The following MFGE8 variants were observed in gnomAD, a reference collection of about 807,000 sequenced individuals.
The protein encoded by MFGE8 is milk fat globule EGF and factor V/VIII domain containing.
Under a neutral mutation model 42.6 loss-of-function variants are expected in MFGE8, and 34 were observed. The ratio of observed to expected loss-of-function variants is 0.80; its 90% CI spans 0.61 to 1.06. MFGE8 has a LOEUF of 1.06. MFGE8 is among the 50% of genes least tolerant of loss of function. MFGE8 has a pLI of 0.00. For missense variants in MFGE8, 510 were observed against 516.9 expected (o/e 0.99, Z 0.13); for synonymous variants, 230 against 214.8 (o/e 1.07, Z -0.62).
At chr15:88,912,250 C>G in intron 1 of MFGE8, 1 of 1,289,674 alleles carries the variant, frequency 7.8e-7, no homozygotes, top group Non-Finnish European at 1.0e-6. Flanking sequence ...GGCCAGAGTT[C>G]AGGTTGGGGG....
rs145851768 is a variant in MFGE8 at position 88,909,842 on chromosome 15, G to A, written c.155C>T (p.Ser52Leu). ...GCCCTTAAGGCACGTGCAGGTGTAC[G>A]AGGGGAAGACATCTCCTCGCACTTC... The part of the protein sequence containing the change: ...SQEVRGDVFP[S>L]YTCTCLKGYA... Residue 52 changes from serine to leucine, a missense_variant, in exon 2 of 8, where the codon TCG becomes TTG. Coordinates refer to ENST00000268150, the MANE Select transcript of MFGE8 (RefSeq NM_005928.4). 57 of 1,614,228 alleles carry A rather than the reference G, an allele frequency of 3.5e-5. No homozygotes were observed. The highest frequency in any genetic ancestry group is 6.7e-5 in the African/African-American group (5 of 75,064).
Position 88,905,311 on chromosome 15 carries a change from C to CTCAT in MFGE8, c.685+442_685+445dup. 2.7e-6 allele frequency: 1 copy of CTCAT among 367,656 alleles called. No individual in the cohort carries two copies. The highest frequency in any genetic ancestry group is 5.3e-6 in the Non-Finnish European group (1 of 187,384). 22.8% of individuals were successfully genotyped at this position (367,656 alleles called of 1,614,324 possible). A position where few individuals can be genotyped will look rare whatever the true frequency, so the allele number is the denominator to read the frequency against. ...AATCATTCATCGGGGCCCCACGCCC[C>CTCAT]TCATTCATTCATTCGCTCATTCATC... On this transcript the variant is annotated intron_variant, in intron 5 of 7. Coordinates refer to ENST00000268150, the MANE Select transcript of MFGE8 (RefSeq NM_005928.4). The surrounding 1 kb of genome is among the most constrained non-coding windows in gnomAD (Gnocchi z 6.6).
At chr15:88,900,807 C>CT (rs1898323325) in intron 6 of MFGE8, 1 of 941,302 alleles carries the variant, frequency 1.1e-6, no homozygotes, top group Non-Finnish European at 1.3e-6. Context: ...TTCTTAGACA[C>CT]TGAGTCAGAG....
rs927952470 is a variant in MFGE8, at chr15:88,905,657, G to A, written c.685+100C>T. 4.5e-6 allele frequency: 7 copies of A among 1,540,818 alleles called. No homozygotes were observed. The African/African-American group carries it at 8.2e-5, about 18-fold the overall frequency. ...AGCCTGGTCCCCGTGCCTTGTTGCT[G>A]CCCTACCTAGCTCAGTTTGGCTGAG... On this transcript the variant is annotated intron_variant, in intron 5 of 7. Transcript: ENST00000268150. This position sits in a 1 kb window ranked among gnomAD's most constrained non-coding sequence, Gnocchi z 6.6.
At chr15:88,901,517 A>AAACCCAAAAAGCTGGAC in intron 6 of MFGE8, 34 bp downstream of exon 6, 1 of 1,072,616 alleles carries the variant, frequency 9.3e-7, no homozygotes, top group Non-Finnish European at 1.4e-6. Flanking sequence ...ATCCCACCCA[A>AAACCCAAAAAGCTGGAC]CCCCAGCCCC....
Position 88,901,252 on chromosome 15 carries a change from C to T in MFGE8, c.870+299G>A, listed in dbSNP as rs552384809. Among the ~76,000 whole-genome samples the T allele has an allele frequency of 5.2e-5, 7 of 135,512 alleles. 1 individual carries two copies. The highest frequency in any genetic ancestry group is 2.5e-4 in the South Asian group (1 of 4,066). The allele number at this position is 135,512 out of a possible 152,430, so 88.9% of individuals were successfully genotyped here. On this transcript the variant is annotated intron_variant, in intron 6 of 7. Coordinates refer to ENST00000268150, the MANE Select transcript of MFGE8 (RefSeq NM_005928.4). ...ACATTCACACACACATTCACACGCA[C>T]GCATTCACACGCACGCATTCACACA... is the stretch of plus-strand genomic sequence containing the variant.
rs1256455865 is a variant in MFGE8, at chr15:88,901,330, CACACAT to C, written c.870+215_870+220del. Among the ~76,000 whole-genome samples, 8 of 152,038 alleles carry C rather than the reference CACACAT, an allele frequency of 5.3e-5. No homozygotes were observed. The East Asian group carries it at 1.4e-3, about 26-fold the overall frequency. The stretch of plus-strand genomic sequence containing the variant: ...TCACACACACACATTCACACACACA[CACACAT>C]ACACACACACACCCTTTCTCCACCT... On this transcript the variant is annotated intron_variant, in intron 6 of 7. Transcript: ENST00000268150.
At position 88,901,081 on chromosome 15, in the gene MFGE8, A is replaced by T. The variant is rs12593826; in HGVS notation, c.870+470T>A. Among the ~76,000 whole-genome samples, 262 of 89,026 alleles carry T rather than the reference A, an allele frequency of 2.9e-3. 45 individuals carry two copies. In the East Asian group the frequency reaches 0.057, roughly 19 times the overall value. The allele number at this position is 89,026 out of a possible 152,430, so 58.4% of individuals were successfully genotyped here. On this transcript the variant is annotated intron_variant, in intron 6 of 7. Coordinates refer to ENST00000268150, the MANE Select transcript of MFGE8 (RefSeq NM_005928.4). ...CACATTCACATACACATTCACATACACATTCACACACATTCACAAATACAC... is the reference window on the plus strand; with the variant it reads ...CACATTCACATACACATTCACATACTCATTCACACACATTCACAAATACAC...
intron 1 of MFGE8, chr15:88,911,976 G>A (rs956196887): frequency 1.8e-5 from 9 of 501,054 alleles, no homozygotes; most frequent in South Asian, 1.6e-4. Flanking sequence ...TGGCAGGCGG[G>A]GGCGAGCATT....
In MFGE8 at chr15:88,902,756, G is replaced by A. The variant is rs1377093052; in HGVS notation, c.686-1021C>T. 3 of 152,274 alleles carry A rather than the reference G, an allele frequency of 2.0e-5. No individual in the cohort carries two copies. Among genetic ancestry groups the A allele is most frequent in the Admixed American group, 1.3e-4 (2 of 15,272 alleles). The allele number at this position is 152,274 out of a possible 1,614,324, so 9.4% of individuals were successfully genotyped here. A position where few individuals can be genotyped will look rare whatever the true frequency, so the allele number is the denominator to read the frequency against. Reference sequence around the variant, plus strand: ...TACAACTCCCAAGAGAATGATGGGGGTGTCTCCCACCTGGAAGAATCCTCA... The same window carrying A: ...TACAACTCCCAAGAGAATGATGGGGATGTCTCCCACCTGGAAGAATCCTCA... On this transcript the variant is annotated intron_variant, in intron 5 of 7. Transcript: ENST00000268150. The surrounding 1 kb of genome is among the most constrained non-coding windows in gnomAD (Gnocchi z 4.3).
chr15:88,900,890 GCTGT>G (rs72350809), intron 6 of MFGE8: 92,475 of 252,266 alleles, frequency 0.37, 19,227 homozygotes, highest in Admixed American at 0.41. Flanking sequence ...CCTCCGCCCT[GCTGT>G]CTGTCCATAG....
At position 88,909,850 on chromosome 15, in the gene MFGE8, G is replaced by C. The variant is rs1898874175; in HGVS notation, c.147C>G (p.Val49=). The C allele has an allele frequency of 6.2e-7, 1 of 1,614,130 alleles. No homozygotes were observed. Among genetic ancestry groups the C allele is most frequent in the South Asian group, 1.1e-5 (1 of 91,084 alleles). The change falls in exon 2 of 8, where the codon GTC becomes GTG. Residue 49 remains valine (V), a synonymous_variant. Transcript: ENST00000268150. The part of the protein sequence containing the change: ...EEISQEVRGD[V]FPSYTCTCLK... The stretch of plus-strand genomic sequence containing the variant: ...GGCACGTGCAGGTGTACGAGGGGAA[G>C]ACATCTCCTCGCACTTCTTGGGAAA...
In MFGE8 at chr15:88,901,123, TCA is replaced by T. The variant is rs372663455; in HGVS notation, c.870+426_870+427del. 6.8e-3 allele frequency among the ~76,000 whole-genome samples: 416 copies of T among 61,416 alleles called. 57 individuals carry two copies. The highest frequency in any genetic ancestry group is 0.017 in the African/African-American group (345 of 20,534). 40.3% of individuals were successfully genotyped at this position (61,416 alleles called of 152,430 possible). On this transcript the variant is annotated intron_variant, in intron 6 of 7. Transcript: ENST00000268150. Reference sequence around the variant, plus strand: ...CAAATACACATTCACACATACACATTCACACACACACATTCACACACACATTC... The same window carrying T: ...CAAATACACATTCACACATACACATTCACACACACATTCACACACACATTC...
Position 88,907,224 on chromosome 15 carries a change from T to G in MFGE8, c.358A>C (p.Ser120Arg). The G allele has an allele frequency of 6.2e-7, 1 of 1,614,032 alleles. No homozygotes were observed. The highest frequency in any genetic ancestry group is 8.5e-7 in the Non-Finnish European group (1 of 1,179,988). The change falls in exon 3 of 8, where the codon AGC (serine) becomes CGC (arginine). Residue 120 changes from serine to arginine, a missense_variant. Coordinates refer to ENST00000268150, the MANE Select transcript of MFGE8 (RefSeq NM_005928.4). ...ATCCAGGGGTTATCGTCATTGCTGC[T>G]GGGTGTCCAGGCATTGACCATGCCT... ...RAGMVNAWTPSSNDDNPWIQV... is the reference protein window; with the variant it reads ...RAGMVNAWTPRSNDDNPWIQV...
chr15:88,912,617 C>T, intron 1 of MFGE8: 1 of 985,306 alleles, frequency 1.0e-6, no homozygotes, highest in Non-Finnish European at 1.2e-6. Context: ...ATACAGCAGC[C>T]GGCCAAGGCC....
chr15:88,907,070 A>G, intron 3 of MFGE8, 125 bp downstream of exon 3: 1 of 1,252,144 alleles, frequency 8.0e-7, no homozygotes, highest in South Asian at 1.3e-5. Context: ...TACTTCATCC[A>G]TGGGAACCTG....
At chr15:88,912,536 G>A (rs1596207012) in intron 1 of MFGE8, 3 of 985,360 alleles carry the variant, frequency 3.0e-6, no homozygotes, top group Non-Finnish European at 3.6e-6. Flanking sequence ...CGGGGCATCC[G>A]CAAGTCCAGC....
intron 1 of MFGE8, 198 bp downstream of exon 1, chr15:88,913,049 G>T: frequency 3.0e-6 from 3 of 985,342 alleles, no homozygotes; most frequent in South Asian, 9.4e-5. Context: ...CAGCCCAAAA[G>T]CCCCAGCGCA....
rs1014365524 is a variant in MFGE8 at position 88,902,061 on chromosome 15, C to T, written c.686-326G>A. On this transcript the variant is annotated intron_variant, in intron 5 of 7. Coordinates refer to ENST00000268150, the MANE Select transcript of MFGE8 (RefSeq NM_005928.4). This position sits in a 1 kb window ranked among gnomAD's most constrained non-coding sequence, Gnocchi z 4.3. ...CCTTCAATGCCTGACTTTGGAGACA[C>T]CTCCTCCAAGAAGTCTGCCCTGACT... 3 of 386,974 alleles carry T rather than the reference C, an allele frequency of 7.8e-6. No homozygotes were observed. The highest frequency in any genetic ancestry group is 3.7e-5 in the Admixed American group (1 of 27,316). The allele number at this position is 386,974 out of a possible 1,614,324, so 24.0% of individuals were successfully genotyped here.
Sources: allele counts gnomAD v4.1 joint callset (sites outside exome capture counted in the v4.1 genomes callset), GRCh38; gene constraint gnomAD v4.1.1; non-coding constraint Gnocchi (gnomAD v3.1); transcripts MANE v1.5; gene names NCBI Gene and HGNC (gene_info 2026-07-23, HGNC 2026-07-21).